Variants in RFC1 observed in about 807,000 individuals in gnomAD.
RFC1 encodes A1 140 kDa subunit.
A neutral mutation model predicts 137.4 loss-of-function variants in RFC1; 37 were observed. The ratio of observed to expected loss-of-function variants is 0.27; its 90% confidence interval spans 0.21 to 0.35. The LOEUF (loss-of-function observed/expected upper bound fraction) is 0.35. Among genes scored for constraint, RFC1 ranks in the 10% least tolerant of loss-of-function variants. RFC1 has a pLI of 1.00. For synonymous variants in RFC1, 429 were observed against 455.7 expected, an observed-to-expected ratio of 0.94 and a Z score of 0.75; for missense variants, 1,205 against 1,358.5, an observed-to-expected ratio of 0.89 and a Z score of 1.78.
At chr4:39,308,571 T>C in intron 13 of RFC1, 65 bp downstream of exon 13, 3 of 1,532,458 alleles carry the variant, frequency 2.0e-6, no homozygotes, top group South Asian at 1.3e-5. Flanking sequence ...TTCTCATATA[T>C]GTGCCACTGA....
At chr4:39,352,539 T>C (rs1385573867) in intron 1 of RFC1, among the ~76,000 whole-genome samples, 2 of 152,264 alleles carry the variant, frequency 1.3e-5, no homozygotes, top group Non-Finnish European at 1.5e-5. Flanking sequence ...TTCAAATCTG[T>C]GCTCTAGTGC....
In RFC1 at chr4:39,308,684, G is replaced by A. The variant is rs767574991; in HGVS notation, c.1837C>T (p.Arg613Cys). The change falls in exon 13 of 25, where the codon CGC becomes TGC. Residue 613 changes from arginine (R) to cysteine (C), a missense_variant. Around this residue, in one of 3 missense-constraint regions of RFC1, gnomAD observed 962 missense variants for 1,035.3 expected, o/e 0.93. Coordinates refer to ENST00000349703, the MANE Select transcript of RFC1 (RefSeq NM_002913.5). The part of the protein sequence containing the change: ...GDQSCANKLL[R>C]WLRNWQKSSS... Reference sequence around the variant, plus strand: ...CTCTTTTGCCAGTTTCGGAGCCAGCGTAGGAGTTTGTTGGCACAGCTCTGG... The same window carrying A: ...CTCTTTTGCCAGTTTCGGAGCCAGCATAGGAGTTTGTTGGCACAGCTCTGG... The A allele has an allele frequency of 9.9e-6, 16 of 1,613,946 alleles. No homozygotes were observed. Among genetic ancestry groups the A allele is most frequent in the African/African-American group, 2.7e-5 (2 of 74,900 alleles).
intron 1 of RFC1, among the ~76,000 whole-genome samples, chr4:39,357,615 CTT>C (rs754761627): frequency 1.4e-5 from 2 of 144,226 alleles, no homozygotes; most frequent in Admixed American, 7.0e-5. Flanking sequence ...CAGGAGCTAA[CTT>C]TTTTTTTTTT....
At position 39,330,668 on chromosome 4, in the gene RFC1, G is replaced by A. The variant is rs145144222; in HGVS notation, c.332-2912C>T. On this transcript the variant is annotated intron_variant, in intron 4 of 24. Coordinates refer to ENST00000349703, the MANE Select transcript of RFC1 (RefSeq NM_002913.5). ...TACATTCAATGAGATAAGTTAGCAG[G>A]CTCCTAATAAATTTCCCCATTTTGC... Among the ~76,000 whole-genome samples the A allele has an allele frequency of 3.3e-5, 5 of 152,272 alleles. No homozygotes were observed. In the East Asian group the frequency reaches 7.7e-4, roughly 24 times the overall value.
At position 39,351,168 on chromosome 4, in the gene RFC1, A is replaced by G. The variant is rs544751274; in HGVS notation, c.132+180T>C. Among the ~76,000 whole-genome samples, 68 of 143,274 alleles carry G rather than the reference A, an allele frequency of 4.7e-4. No individual in the cohort carries two copies. In the East Asian group the frequency reaches 0.01, roughly 22 times the overall value. 94.0% of individuals were successfully genotyped at this position (143,274 alleles called of 152,430 possible). On this transcript the variant is annotated intron_variant, in intron 2 of 24. Transcript: ENST00000349703. ...CGGGAGACTGAGGCAGGAGAATGGC[A>G]TGAACCCAGGAGGCGGAGCTTGCAG...
chr4:39,345,266 T>C (rs1740795079), intron 3 of RFC1, 135 bp downstream of exon 3: 4 of 626,354 alleles, frequency 6.4e-6, no homozygotes, highest in South Asian at 2.2e-5. Context: ...CTGCCTGCCT[T>C]TGCCTCCCAA....
At chr4:39,352,733 A>G (rs890704152) in intron 1 of RFC1, among the ~76,000 whole-genome samples, 1 of 152,204 alleles carries the variant, frequency 6.6e-6, no homozygotes, top group African/African-American at 2.4e-5. Flanking sequence ...TCTGTTTATC[A>G]TTATCTCTGC....
chr4:39,347,741 T>C (rs866953084), intron 2 of RFC1, among the ~76,000 whole-genome samples: 4 of 152,194 alleles, frequency 2.6e-5, no homozygotes, highest in African/African-American at 9.7e-5. Flanking sequence ...AGAAGAAGCC[T>C]CTTTCATCTC....
At chr4:39,314,605 A>C (rs944989520) in intron 10 of RFC1, among the ~76,000 whole-genome samples, 39 of 151,986 alleles carry the variant, frequency 2.6e-4, no homozygotes, top group African/African-American at 9.4e-4. Flanking sequence ...TCTCAAGCAG[A>C]ACTTGTTTGG....
intron 1 of RFC1, among the ~76,000 whole-genome samples, chr4:39,352,829 T>C (rs980755151): frequency 6.6e-6 from 1 of 152,206 alleles, no homozygotes; most frequent in East Asian, 1.9e-4. Flanking sequence ...ACCTGTATCA[T>C]TTTCCCTCTT....
Position 39,302,558 on chromosome 4 carries a change from T to G in RFC1, c.2378A>C (p.Lys793Thr). ...MMSIAFKEGL[K>T]IPPPAMNEII... The stretch of plus-strand genomic sequence containing the variant: ...TTCATTCATAGCTGGAGGGGGAATC[T>G]TTAAACCTTCTTTAAATGCAATAGA... Residue 793 changes from lysine (K) to threonine (T), a missense_variant, in exon 18 of 25, where the codon AAG becomes ACG. Lys to Thr is a moderately conservative substitution (Grantham distance 78). Coordinates refer to ENST00000349703, the MANE Select transcript of RFC1 (RefSeq NM_002913.5). 1 of 1,612,014 alleles carries G rather than the reference T, an allele frequency of 6.2e-7. No individual in the cohort carries two copies. The highest frequency in any genetic ancestry group is 8.5e-7 in the Non-Finnish European group (1 of 1,178,632).
intron 10 of RFC1, among the ~76,000 whole-genome samples, chr4:39,316,414 C>T (rs1739243395): frequency 6.6e-6 from 1 of 152,150 alleles, no homozygotes; most frequent in Admixed American, 6.5e-5. Flanking sequence ...GAACATCATA[C>T]ATTCTGGCCC....
chr4:39,315,800 C>T (rs913242565), intron 10 of RFC1, among the ~76,000 whole-genome samples: 7 of 152,212 alleles, frequency 4.6e-5, no homozygotes, highest in African/African-American at 1.7e-4. Context: ...TCCCCCAGAC[C>T]AGTCCCTATC....
intron 9 of RFC1, among the ~76,000 whole-genome samples, chr4:39,319,115 C>T (rs1739390878): frequency 6.6e-6 from 1 of 152,164 alleles, no homozygotes; most frequent in African/African-American, 2.4e-5. Context: ...AAATAACAAT[C>T]ATTTTAATAA....
At chr4:39,355,690 C>A (rs1741437437) in intron 1 of RFC1, among the ~76,000 whole-genome samples, 1 of 152,174 alleles carries the variant, frequency 6.6e-6, no homozygotes, top group African/African-American at 2.4e-5. Context: ...ACGCACTATA[C>A]TGCTGATAAA....
intron 2 of RFC1, among the ~76,000 whole-genome samples, chr4:39,348,770 CCTTGTGGG>C (rs1265008879): frequency 6.6e-5 from 10 of 152,150 alleles, no homozygotes; most frequent in Non-Finnish European, 1.3e-4. Flanking sequence ...CCACCCAAAG[CCTTGTGGG>C]CAGGATGGCC....
chr4:39,317,206 T>C (rs1191067446), intron 9 of RFC1, among the ~76,000 whole-genome samples, 184 bp from the exon 10 acceptor site: 2 of 152,192 alleles, frequency 1.3e-5, no homozygotes, highest in Non-Finnish European at 1.5e-5. Context: ...CATCCCTGCA[T>C]CAGCGCTTCT....
chr4:39,302,159 A>G (rs1738391895), intron 19 of RFC1, 119 bp downstream of exon 19: 5 of 656,514 alleles, frequency 7.6e-6, no homozygotes, highest in Non-Finnish European at 1.4e-5. Context: ...TTCCTACTAT[A>G]TATCCCTGGA....
At chr4:39,344,020 AG>A (rs1478096339) in intron 3 of RFC1, among the ~76,000 whole-genome samples, 1 of 152,024 alleles carries the variant, frequency 6.6e-6, no homozygotes, top group Non-Finnish European at 1.5e-5. Context: ...AGGCTGAGGC[AG>A]GAGAATCGCT....
Sources: allele counts gnomAD v4.1 joint callset (sites outside exome capture counted in the v4.1 genomes callset), GRCh38; gene constraint gnomAD v4.1.1; regional missense constraint gnomAD v4.1.1; transcripts MANE v1.5; gene names NCBI Gene and HGNC (gene_info 2026-07-23, HGNC 2026-07-21).